Variants in SLC9A9 observed in about 807,000 individuals in gnomAD.
SLC9A9 encodes the protein sodium/hydrogen exchanger 9.
A neutral mutation model predicts 77.8 loss-of-function variants in SLC9A9; 62 were observed. The ratio of observed to expected loss-of-function variants is 0.80; its 90% CI spans 0.65 to 0.98. SLC9A9 has a LOEUF of 0.98. SLC9A9 is among the 50% of genes least tolerant of loss of function. The pLI, the probability that SLC9A9 is intolerant of heterozygous loss-of-function variation, is 0.00. For missense variants in SLC9A9, 775 were observed against 774.9 expected, an observed-to-expected ratio of 1.00 and a Z score of 0.00; for synonymous variants, 320 against 283.5, an observed-to-expected ratio of 1.13 and a Z score of -1.29.
intron 9 of SLC9A9, among the ~76,000 whole-genome samples, chr3:143,525,512 G>A (rs1242983392): frequency 6.6e-6 from 1 of 152,166 alleles, no homozygotes; most frequent in Non-Finnish European, 1.5e-5. Flanking sequence ...TAGCATATGA[G>A]TCTCATCTTC....
chr3:143,561,173 C>A (rs777579895), intron 8 of SLC9A9, among the ~76,000 whole-genome samples: 1 of 152,100 alleles, frequency 6.6e-6, no homozygotes, highest in Non-Finnish European at 1.5e-5. Flanking sequence ...AAGAGTGAAA[C>A]TCCATCTCAA....
At chr3:143,305,646 C>T (rs2030748019) in intron 14 of SLC9A9, among the ~76,000 whole-genome samples, 1 of 152,196 alleles carries the variant, frequency 6.6e-6, no homozygotes, top group African/African-American at 2.4e-5. Context: ...AACACAAATA[C>T]TATCATGTGG....
At chr3:143,446,877 TG>T (rs2034854624) in intron 12 of SLC9A9, among the ~76,000 whole-genome samples, 1 of 49,098 alleles carries the variant, frequency 2.0e-5, no homozygotes, top group Non-Finnish European at 3.6e-5. Flanking sequence ...TAGGTGTGTA[TG>T]TGTGTGTGTG....
chr3:143,541,450 C>A (rs1387476090), intron 9 of SLC9A9, among the ~76,000 whole-genome samples: 1 of 152,196 alleles, frequency 6.6e-6, no homozygotes, highest in African/African-American at 2.4e-5. Context: ...CAAAGCCACC[C>A]AGCAAAGCTG....
intron 8 of SLC9A9, among the ~76,000 whole-genome samples, chr3:143,569,814 C>CT (rs530202918): frequency 0.026 from 3,408 of 133,342 alleles, 146 homozygotes; most frequent in African/African-American, 0.087. Context: ...TTGTTTTTTT[C>CT]TTTTTTTTTT....
intron 12 of SLC9A9, among the ~76,000 whole-genome samples, chr3:143,400,249 G>A (rs1489193618): frequency 6.6e-6 from 1 of 152,060 alleles, no homozygotes; most frequent in African/African-American, 2.4e-5. Context: ...TATGTTATTT[G>A]CTGTCATTGG....
At chr3:143,772,444 A>G (rs1328457098) in intron 4 of SLC9A9, among the ~76,000 whole-genome samples, 2 of 152,222 alleles carry the variant, frequency 1.3e-5, no homozygotes, top group African/African-American at 4.8e-5. Flanking sequence ...AAATGTATTC[A>G]AGTACAGATA....
At chr3:143,785,490 G>A (rs1424495097) in intron 4 of SLC9A9, among the ~76,000 whole-genome samples, 1 of 152,198 alleles carries the variant, frequency 6.6e-6, no homozygotes, top group African/African-American at 2.4e-5. Context: ...GATGAATGTG[G>A]TCACATGGGT....
chr3:143,734,511 G>A (rs943689869), intron 4 of SLC9A9, among the ~76,000 whole-genome samples: 11 of 151,974 alleles, frequency 7.2e-5, no homozygotes, highest in Non-Finnish European at 1.5e-4. Flanking sequence ...CGAGGTGGGC[G>A]GATCACGAGG....
intron 12 of SLC9A9, among the ~76,000 whole-genome samples, chr3:143,424,426 C>G (rs954233720): frequency 6.6e-6 from 1 of 151,974 alleles, no homozygotes; most frequent in South Asian, 2.1e-4. Flanking sequence ...TACAGGCGCC[C>G]ACCACCACAC....
intron 10 of SLC9A9, among the ~76,000 whole-genome samples, chr3:143,494,505 A>G (rs2035801257): frequency 6.6e-6 from 1 of 152,224 alleles, no homozygotes; most frequent in Admixed American, 6.5e-5. Flanking sequence ...ATGAAAAGAG[A>G]CTAAGAAGCA....
chr3:143,581,354 C>A (rs930736846), intron 6 of SLC9A9, among the ~76,000 whole-genome samples: 1 of 152,084 alleles, frequency 6.6e-6, no homozygotes, highest in Non-Finnish European at 1.5e-5. Flanking sequence ...ATACTAAATA[C>A]CTCACATTTA....
chr3:143,652,133 G>A lies in SLC9A9; in HGVS notation c.755+122C>T, dbSNP rs539875694. On this transcript the variant is annotated intron_variant, in intron 6 of 15. Transcript: ENST00000316549. ...ATTGTGCCCATTATGGAAATTTTCT[G>A]TGATAACAATTCCTTGAAAAAAGCT... is the stretch of plus-strand genomic sequence containing the variant. 5.1e-6 allele frequency: 4 copies of A among 779,012 alleles called. No homozygotes were observed. In the East Asian group the frequency reaches 1.1e-4, roughly 21 times the overall value. The allele number at this position is 779,012 out of a possible 1,614,324, so 48.3% of individuals were successfully genotyped here. A position where few individuals can be genotyped will look rare whatever the true frequency, so the allele number is the denominator to read the frequency against.
chr3:143,512,294 A>G (rs2036129661), intron 9 of SLC9A9, among the ~76,000 whole-genome samples: 1 of 152,256 alleles, frequency 6.6e-6, no homozygotes, highest in African/African-American at 2.4e-5. Flanking sequence ...TACACTTACT[A>G]GAATTTATCC....
chr3:143,733,578 G>T lies in SLC9A9; in HGVS notation c.534-40271C>A, dbSNP rs116429518. Among the ~76,000 whole-genome samples the T allele has an allele frequency of 3.3e-3, 502 of 152,138 alleles. 5 individuals are homozygous for T. Among genetic ancestry groups the T allele is most frequent in the African/African-American group, 0.011 (471 of 41,510 alleles). ...TTGGGAGAAGTAGAGTAGAAAGAGGGGTGTGAGGTGCCCACACAGATGAGC... is the reference window on the plus strand; with the variant it reads ...TTGGGAGAAGTAGAGTAGAAAGAGGTGTGTGAGGTGCCCACACAGATGAGC... On this transcript the variant is annotated intron_variant, in intron 4 of 15. Transcript: ENST00000316549.
intron 9 of SLC9A9, among the ~76,000 whole-genome samples, chr3:143,498,156 AC>A (rs1478179835): frequency 5.9e-5 from 9 of 152,234 alleles, no homozygotes; most frequent in Non-Finnish European, 1.2e-4. Flanking sequence ...TACACATAGT[AC>A]AAAAGTTTTG....
intron 9 of SLC9A9, among the ~76,000 whole-genome samples, chr3:143,530,922 T>G (rs2036500684): frequency 6.6e-6 from 1 of 152,162 alleles, no homozygotes; most frequent in South Asian, 2.1e-4. Context: ...TAGAATAAAA[T>G]AATCCCATTA....
chr3:143,573,231 G>A (rs1157186828), intron 8 of SLC9A9, among the ~76,000 whole-genome samples: 2 of 152,110 alleles, frequency 1.3e-5, no homozygotes, highest in Non-Finnish European at 2.9e-5. Context: ...CAAACACCGA[G>A]GGAGGTATAC....
At chr3:143,828,998 A>ACAGT (rs2009370129) in intron 2 of SLC9A9, among the ~76,000 whole-genome samples, 1 of 152,212 alleles carries the variant, frequency 6.6e-6, no homozygotes, top group South Asian at 2.1e-4. Context: ...GAGGCAGAAC[A>ACAGT]CAGTCACACA....
Sources: gnomAD v4.1 joint callset for allele counts (sites outside exome capture counted in the v4.1 genomes callset) on GRCh38, gnomAD v4.1.1 for gene constraint, MANE v1.5 for transcripts, NCBI Gene and HGNC (gene_info 2026-07-23, HGNC 2026-07-21) for gene names.